The following HERC1 variants were observed in gnomAD, a reference collection of about 807,000 sequenced individuals.
HERC1 encodes the protein HECT and RLD domain containing E3 ubiquitin protein ligase family member 1.
Under a neutral mutation model 554.3 loss-of-function variants are expected in HERC1, and 160 were observed. The observed-to-expected ratio is 0.29, with a 90% CI of 0.25 to 0.33. The LOEUF is 0.33. HERC1 is among the 10% of genes least tolerant of loss of function. The pLI is 1.00. For missense variants in HERC1, 4,919 were observed against 5,918.5 expected (o/e 0.83, Z 5.54); for synonymous variants, 2,175 against 2,131.7 (o/e 1.02, Z -0.56).
intron 12 of HERC1, among the ~76,000 whole-genome samples, chr15:63,740,904 G>A (rs1328111851): frequency 2.6e-5 from 4 of 152,040 alleles, no homozygotes; most frequent in African/African-American, 9.7e-5. Flanking sequence ...ATCCTTTGAA[G>A]CACAAATGTT....
intron 43 of HERC1, among the ~76,000 whole-genome samples, chr15:63,663,623 C>T (rs1035299101): frequency 3.9e-5 from 6 of 152,046 alleles, no homozygotes; most frequent in Non-Finnish European, 8.8e-5. Flanking sequence ...CCCAGCTAAC[C>T]GTTTTTTAAT....
Position 63,670,779 on chromosome 15 carries a change from G to T in HERC1, c.8046-1081C>A, listed in dbSNP as rs1283262939. Among the ~76,000 whole-genome samples the T allele has an allele frequency of 3.3e-5, 5 of 152,274 alleles. No individual in the cohort carries two copies. In the East Asian group the frequency reaches 9.6e-4, roughly 29 times the overall value. ...CATATTAGAATGTCGTATCAGGCAA[G>T]CATCGTGGCTCACACCTGTAATACC... On this transcript the variant is annotated intron_variant, in intron 39 of 77. Coordinates refer to ENST00000443617, the MANE Select transcript of HERC1 (RefSeq NM_003922.4).
chr15:63,824,602 C>A (rs1355616568), intron 1 of HERC1, among the ~76,000 whole-genome samples: 1 of 151,580 alleles, frequency 6.6e-6, no homozygotes, highest in Non-Finnish European at 1.5e-5. Flanking sequence ...GGTTTTAACC[C>A]AAAAGAAATA....
intron 1 of HERC1, among the ~76,000 whole-genome samples, chr15:63,777,201 C>G (rs2076142507): frequency 6.6e-6 from 1 of 152,202 alleles, no homozygotes; most frequent in Non-Finnish European, 1.5e-5. Context: ...TTTCTTATAT[C>G]TCATTATGCC....
chr15:63,828,242 G>A (rs917559678), intron 1 of HERC1, among the ~76,000 whole-genome samples: 8 of 152,096 alleles, frequency 5.3e-5, no homozygotes, highest in African/African-American at 1.9e-4. Flanking sequence ...AAGAGACTAT[G>A]TACCCACAGG....
Position 63,758,391 on chromosome 15 carries a change from C to A in HERC1, c.1027-22G>T. ...AAACCTATTAAAAATTTAAAATATG[C>A]AACAAATAGTCAAGACAGTTTTAGT... On this transcript the variant is annotated intron_variant, in intron 3 of 77. Transcript: ENST00000443617. This position sits in a 1 kb window ranked among gnomAD's most constrained non-coding sequence, Gnocchi z 4.0. 1 of 1,539,640 alleles carries A rather than the reference C, an allele frequency of 6.5e-7. No homozygotes were observed.
intron 24 of HERC1, among the ~76,000 whole-genome samples, chr15:63,711,307 C>A (rs886369492): frequency 2.1e-5 from 3 of 141,704 alleles, no homozygotes; most frequent in Admixed American, 6.9e-5. Context: ...AGGGTAATAT[C>A]CTGTCTCAAA....
rs762317701 is a variant in HERC1, at chr15:63,706,842, T to TA, written c.4585-12dup. 6.6e-7 allele frequency: 1 copy of TA among 1,507,402 alleles called. No homozygotes were observed. Among genetic ancestry groups the TA allele is most frequent in the Non-Finnish European group, 9.0e-7 (1 of 1,113,084 alleles). 93.4% of individuals were successfully genotyped at this position (1,507,402 alleles called of 1,614,324 possible). On this transcript the variant is annotated splice_polypyrimidine_tract_variant and intron_variant, in intron 24 of 77. Coordinates refer to ENST00000443617, the MANE Select transcript of HERC1 (RefSeq NM_003922.4). The stretch of plus-strand genomic sequence containing the variant: ...ATTTCGTCTGCCACTCTATTAAAAG[T>TA]AAAAAGTAAATAAATAAAATTTAGT...
chr15:63,629,013 C>G (rs189168131), intron 69 of HERC1, among the ~76,000 whole-genome samples, 198 bp from the exon 70 acceptor site: 2 of 150,566 alleles, frequency 1.3e-5, no homozygotes, highest in Non-Finnish European at 2.9e-5. Context: ...TGCAGTGGCA[C>G]AATCTCAGCT....
intron 25 of HERC1, 65 bp downstream of exon 25, chr15:63,706,715 C>T (rs2073023724): frequency 4.4e-6 from 3 of 684,970 alleles, no homozygotes; most frequent in Admixed American, 3.4e-5. Flanking sequence ...TTACTATGCT[C>T]TTTTTTTTTT....
chr15:63,687,366 C>T (rs1013041608), intron 33 of HERC1, among the ~76,000 whole-genome samples: 1 of 151,980 alleles, frequency 6.6e-6, no homozygotes, highest in Non-Finnish European at 1.5e-5. Context: ...GGTGAAACCC[C>T]GTCTCTACTA....
At position 63,656,089 on chromosome 15, in the gene HERC1, T is replaced by C. The variant is rs200023211; in HGVS notation, c.9869A>G (p.Gln3290Arg). 3.4e-5 allele frequency: 55 copies of C among 1,611,498 alleles called. 1 individual carries two copies. Among genetic ancestry groups the C allele is most frequent in the Non-Finnish European group, 3.4e-6 (4 of 1,178,236 alleles). Residue 3290 changes from glutamine to arginine, a missense_variant and splice_region_variant, in exon 49 of 78, where the codon CAG (glutamine) becomes CGG (arginine). Coordinates refer to ENST00000443617, the MANE Select transcript of HERC1 (RefSeq NM_003922.4). Reference sequence around the variant, plus strand: ...GGAAAAGTACTGAAAGTAGCTTACCTGTGTACACAACTGTACAAGCAGTTT... The same window carrying C: ...GGAAAAGTACTGAAAGTAGCTTACCCGTGTACACAACTGTACAAGCAGTTT... ...AAKLLVQLCT[Q>R]NLISAATGVN...
intron 31 of HERC1, among the ~76,000 whole-genome samples, chr15:63,691,131 T>C (rs1261165242): frequency 1.3e-5 from 2 of 152,168 alleles, no homozygotes; most frequent in Non-Finnish European, 2.9e-5. Flanking sequence ...CTCACAGGGA[T>C]TGTTAGGGTT....
At chr15:63,627,952 G>T (rs2152786772) in intron 70 of HERC1, among the ~76,000 whole-genome samples, 1 of 152,342 alleles carries the variant, frequency 6.6e-6, no homozygotes, top group Non-Finnish European at 1.5e-5. Context: ...TAAAATGGCA[G>T]CAAGTTGACT....
At chr15:63,772,934 A>G (rs2075995564) in intron 2 of HERC1, among the ~76,000 whole-genome samples, 1 of 152,254 alleles carries the variant, frequency 6.6e-6, no homozygotes, top group African/African-American at 2.4e-5. Flanking sequence ...TTAGTTCATA[A>G]ATGCAAAAAG....
At chr15:63,693,535 C>T (rs974065033) in intron 30 of HERC1, among the ~76,000 whole-genome samples, 32 of 152,110 alleles carry the variant, frequency 2.1e-4, no homozygotes, top group African/African-American at 7.2e-4. Flanking sequence ...TGAGCCACTG[C>T]GCCTGGCCTG....
At chr15:63,784,636 C>G (rs2076384782) in intron 1 of HERC1, among the ~76,000 whole-genome samples, 1 of 150,988 alleles carries the variant, frequency 6.6e-6, no homozygotes, top group African/African-American at 2.4e-5. Context: ...GAGACAGAGT[C>G]TCACTCTGTC....
At chr15:63,731,541 T>G (rs981366480) in intron 14 of HERC1, among the ~76,000 whole-genome samples, 2 of 152,222 alleles carry the variant, frequency 1.3e-5, no homozygotes, top group African/African-American at 4.8e-5. Context: ...ATTGTTCTTA[T>G]CCATTTGCAG....
chr15:63,807,187 T>C (rs2077164807), intron 1 of HERC1, among the ~76,000 whole-genome samples: 1 of 152,102 alleles, frequency 6.6e-6, no homozygotes, highest in South Asian at 2.1e-4. Context: ...GCCCCCAACC[T>C]CCTCAAATCA....
Sources: allele counts gnomAD v4.1 joint callset (sites outside exome capture counted in the v4.1 genomes callset), GRCh38; gene constraint gnomAD v4.1.1; non-coding constraint Gnocchi (gnomAD v3.1); transcripts MANE v1.5; gene names NCBI Gene and HGNC (gene_info 2026-07-23, HGNC 2026-07-21).